LRBA: variants seen among roughly 807,000 people sequenced by gnomAD.
The protein encoded by LRBA is LPS responsive beige-like anchor protein.
LRBA carries 176 observed loss-of-function variants against 330.0 expected under a neutral mutation model. The ratio of observed to expected loss-of-function variants is 0.53; its 90% confidence interval spans 0.47 to 0.60. LRBA has a LOEUF of 0.60. Ranked by LOEUF, LRBA falls within the 20% of genes least tolerant of loss-of-function variation. The pLI is 0.00. For synonymous variants in LRBA, 1,230 were observed against 1,193.0 expected (o/e 1.03, Z -0.64); for missense variants, 3,259 against 3,444.8 (o/e 0.95, Z 1.35).
chr4:150,804,848 C>G (rs1048022134), intron 33 of LRBA, among the ~76,000 whole-genome samples: 2 of 152,076 alleles, frequency 1.3e-5, no homozygotes, highest in Non-Finnish European at 2.9e-5. Flanking sequence ...TGCAGTGGCT[C>G]ACACCTGTAA....
Position 150,870,554 on chromosome 4 carries a change from G to A in LRBA, c.2420C>T (p.Pro807Leu), listed in dbSNP as rs758304714. 6.3e-7 allele frequency: 1 copy of A among 1,596,056 alleles called. No homozygotes were observed. Among genetic ancestry groups the A allele is most frequent in the Non-Finnish European group, 8.6e-7 (1 of 1,164,408 alleles). The part of the protein sequence containing the change: ...TQVIHKQHPD[P>L]DSSVKIQNPQ... Reference sequence around the variant, plus strand: ...GTTTTGTATCTTCACTGAAGAATCAGGATCTGGATGCTGTTTATGTATCAC... The same window carrying A: ...GTTTTGTATCTTCACTGAAGAATCAAGATCTGGATGCTGTTTATGTATCAC... Residue 807 changes from proline (P) to leucine (L), a missense_variant, in exon 20 of 57, where the codon CCT becomes CTT. Coordinates refer to ENST00000651943, the MANE Select transcript of LRBA (RefSeq NM_001364905.1).
Position 150,357,659 on chromosome 4 carries a change from T to A in LRBA, c.7195-7500A>T, listed in dbSNP as rs1017375273. Among the ~76,000 whole-genome samples the A allele has an allele frequency of 1.1e-4, 16 of 150,490 alleles. No homozygotes were observed. In the East Asian group the frequency reaches 2.7e-3, roughly 25 times the overall value. ...CACATAGGGATATTGAGCTTTTTTT[T>A]TTTTTTAAAAAAAACCTTTAGTTTA... On this transcript the variant is annotated intron_variant, in intron 47 of 56. Coordinates refer to ENST00000651943, the MANE Select transcript of LRBA (RefSeq NM_001364905.1).
chr4:150,964,246 G>T (rs1403642682), intron 2 of LRBA, among the ~76,000 whole-genome samples: 1 of 147,882 alleles, frequency 6.8e-6, no homozygotes, highest in Non-Finnish European at 1.5e-5. Flanking sequence ...CTGGGAGATG[G>T]GGGGGCCCCT....
chr4:150,741,270 A>T (rs561731076), intron 35 of LRBA, among the ~76,000 whole-genome samples: 1 of 152,254 alleles, frequency 6.6e-6, no homozygotes, highest in Admixed American at 6.5e-5. Context: ...ATTACAACCA[A>T]CGAGGAACTG....
At chr4:150,970,552 TGTGTACACACACACAC>T (rs1237188522) in intron 2 of LRBA, 14 of 48,680 alleles carry the variant, frequency 2.9e-4, no homozygotes, top group African/African-American at 6.5e-4. Context: ...TGTGTGTGTG[TGTGTACACACACACAC>T]ACACACACAC....
intron 40 of LRBA, among the ~76,000 whole-genome samples, chr4:150,542,196 C>G (rs1581626343): frequency 1.3e-5 from 2 of 152,252 alleles, no homozygotes; most frequent in South Asian, 2.1e-4. Context: ...TGCTCCTCCC[C>G]TATCCTCTGG....
intron 40 of LRBA, among the ~76,000 whole-genome samples, chr4:150,554,052 G>C (rs1277542956): frequency 1.3e-5 from 2 of 152,164 alleles, no homozygotes; most frequent in African/African-American, 4.8e-5. Context: ...AAACTAGTGA[G>C]AAACCTTGCT....
chr4:150,424,441 G>C (rs1442085733), intron 46 of LRBA, among the ~76,000 whole-genome samples: 4 of 152,188 alleles, frequency 2.6e-5, no homozygotes, highest in African/African-American at 9.7e-5. Context: ...ATAAATGTGA[G>C]CTATATGTAC....
chr4:150,870,266 G>C (rs1753266291), intron 20 of LRBA, among the ~76,000 whole-genome samples: 1 of 152,156 alleles, frequency 6.6e-6, no homozygotes, highest in African/African-American at 2.4e-5. Flanking sequence ...AAATTTTGCT[G>C]AAAGTCTGAA....
chr4:150,992,697 G>A (rs1742229735), intron 2 of LRBA, among the ~76,000 whole-genome samples: 1 of 152,096 alleles, frequency 6.6e-6, no homozygotes, highest in South Asian at 2.1e-4. Flanking sequence ...GACAAGTTAA[G>A]GTTAATTGAA....
chr4:150,926,191 T>C (rs984205768), intron 4 of LRBA, among the ~76,000 whole-genome samples: 2 of 152,208 alleles, frequency 1.3e-5, no homozygotes, highest in African/African-American at 2.4e-5. Context: ...ATGCTTATGA[T>C]AAAACTCAAC....
intron 2 of LRBA, among the ~76,000 whole-genome samples, chr4:150,937,600 G>C (rs1387650758): frequency 6.6e-6 from 1 of 151,972 alleles, no homozygotes; most frequent in East Asian, 1.9e-4. Context: ...TTGCTATATA[G>C]AACATTTTTC....
chr4:150,315,291 C>A, intron 51 of LRBA: 1 of 520,768 alleles, frequency 1.9e-6, no homozygotes, highest in Non-Finnish European at 3.4e-6. Flanking sequence ...GACAGTACTT[C>A]ATGCGCATTC....
intron 38 of LRBA, among the ~76,000 whole-genome samples, chr4:150,595,965 A>C (rs1030936688): frequency 1.3e-5 from 2 of 152,004 alleles, no homozygotes; most frequent in African/African-American, 4.8e-5. Context: ...CCTCAAGAAT[A>C]AAATGCCCAG....
At chr4:150,971,984 C>T (rs903096202) in intron 2 of LRBA, among the ~76,000 whole-genome samples, 8 of 152,042 alleles carry the variant, frequency 5.3e-5, no homozygotes, top group South Asian at 2.1e-4. Context: ...ACCTCCATTC[C>T]ATAACTACTG....
chr4:150,663,451 A>G (rs1781301844), intron 37 of LRBA, among the ~76,000 whole-genome samples: 1 of 152,164 alleles, frequency 6.6e-6, no homozygotes, highest in South Asian at 2.1e-4. Flanking sequence ...TATGATATAA[A>G]AATACCAGAC....
intron 55 of LRBA, among the ~76,000 whole-genome samples, chr4:150,281,265 C>T (rs1747479159): frequency 6.6e-6 from 1 of 152,068 alleles, no homozygotes; most frequent in Admixed American, 6.5e-5. Context: ...TTAAATGCAG[C>T]ATTATGGGAA....
intron 22 of LRBA, among the ~76,000 whole-genome samples, chr4:150,862,903 CAGG>C (rs1406845986): frequency 1.3e-5 from 2 of 151,962 alleles, no homozygotes; most frequent in Non-Finnish European, 2.9e-5. Flanking sequence ...CGCTTGAACC[CAGG>C]AGGTGGAGGT....
intron 22 of LRBA, among the ~76,000 whole-genome samples, chr4:150,860,815 CA>C (rs924084995): frequency 1.6e-3 from 206 of 130,846 alleles, no homozygotes; most frequent in African/African-American, 3.1e-3. Flanking sequence ...GACTCCGTCT[CA>C]AAAAAAAAAA....
Sources: gnomAD v4.1 joint callset for allele counts (sites outside exome capture counted in the v4.1 genomes callset) on GRCh38, gnomAD v4.1.1 for gene constraint, MANE v1.5 for transcripts, NCBI Gene and HGNC (gene_info 2026-07-23, HGNC 2026-07-21) for gene names.